Variants in POLR2B observed in about 807,000 individuals in gnomAD.
The protein encoded by POLR2B is DNA-directed RNA polymerase II subunit RPB2.
Under a neutral mutation model 144.6 loss-of-function variants are expected in POLR2B, and 57 were observed. The observed-to-expected ratio is 0.39, with a 90% CI of 0.32 to 0.49. The LOEUF (loss-of-function observed/expected upper bound fraction) is 0.49, where lower values mean the gene tolerates loss of function less well. Ranked by LOEUF, POLR2B falls within the 20% of genes least tolerant of loss-of-function variation. POLR2B has a pLI of 0.83. For synonymous variants in POLR2B, 442 were observed against 469.8 expected, an observed-to-expected ratio of 0.94 and a Z score of 0.77; for missense variants, 595 against 1,467.4, an observed-to-expected ratio of 0.41 and a Z score of 9.71.
chr4:57,020,824 A>G, intron 16 of POLR2B, 75 bp from the exon 17 acceptor site: 1 of 825,256 alleles, frequency 1.2e-6, no homozygotes, highest in Non-Finnish European at 2.2e-6. Flanking sequence ...GATGTAATTA[A>G]AGTTGATTTA....
chr4:57,027,689 C>T (rs972300591), intron 23 of POLR2B, among the ~76,000 whole-genome samples: 1 of 152,156 alleles, frequency 6.6e-6, no homozygotes, highest in African/African-American at 2.4e-5. Flanking sequence ...GAAACTGAAA[C>T]CATATGAATG....
chr4:57,003,494 G>A (rs1358570316), intron 7 of POLR2B, among the ~76,000 whole-genome samples: 1 of 152,150 alleles, frequency 6.6e-6, no homozygotes, highest in Non-Finnish European at 1.5e-5. Flanking sequence ...ACTTTGGGAG[G>A]AGGATTGCTT....
At position 57,017,067 on chromosome 4, in the gene POLR2B, G is replaced by T. The variant is rs776629596; in HGVS notation, c.1980G>T (p.Gly660=). The change falls in exon 15 of 25, where the codon GGG becomes GGT. Residue 660 remains glycine (G), a synonymous_variant. Coordinates refer to ENST00000314595, the MANE Select transcript of POLR2B (RefSeq NM_000938.3). This position sits in a 1 kb window ranked among gnomAD's most constrained non-coding sequence, Gnocchi z 4.8. ...NYSWQDLVAS[G]VVEYIDTLEE... The stretch of plus-strand genomic sequence containing the variant: ...GTTGGCAGGATCTTGTGGCCAGTGG[G>T]GTAGTGGAGTATATTGATACCCTGG... 2 of 1,607,172 alleles carry T rather than the reference G, an allele frequency of 1.2e-6. No homozygotes were observed. Among genetic ancestry groups the T allele is most frequent in the Non-Finnish European group, 1.7e-6 (2 of 1,176,928 alleles).
intron 7 of POLR2B, among the ~76,000 whole-genome samples, chr4:57,003,323 A>C (rs760260510): frequency 6.6e-6 from 1 of 152,066 alleles, no homozygotes; most frequent in Non-Finnish European, 1.5e-5. Flanking sequence ...CCAGCTACTC[A>C]GGAGGCTGAG....
In POLR2B at chr4:57,017,745, T is replaced by C; in HGVS notation, c.2323+17T>C. On this transcript the variant is annotated intron_variant, in intron 16 of 24. Transcript: ENST00000314595. This position sits in a 1 kb window ranked among gnomAD's most constrained non-coding sequence, Gnocchi z 4.8. ...TGCCAGCAGGTATGGTCAGTTTTGC[T>C]CTACGTTATTTAAGATCCTTCTGTG... is the stretch of plus-strand genomic sequence containing the variant. 6.2e-7 allele frequency: 1 copy of C among 1,601,650 alleles called. No individual in the cohort carries two copies. The highest frequency in any genetic ancestry group is 8.5e-7 in the Non-Finnish European group (1 of 1,173,050).
In POLR2B at chr4:57,023,428, A is replaced by C. The variant is rs1205631313; in HGVS notation, c.2614A>C (p.Thr872Pro). 7.4e-6 allele frequency: 12 copies of C among 1,613,990 alleles called. No individual in the cohort carries two copies. The highest frequency in any genetic ancestry group is 8.5e-6 in the Non-Finnish European group (10 of 1,179,890). ...TGATGTTATTATAGGCAAAACAGTC[A>C]CCTTGCCTGAAAATGAAGATGAATT... The part of the protein sequence containing the change: ...GDDVIIGKTV[T>P]LPENEDELES... The change falls in exon 19 of 25, where the codon ACC (threonine) becomes CCC (proline). Residue 872 changes from threonine to proline, a missense_variant. By Grantham distance (38) the Thr-to-Pro change is conservative. Around this residue, in one of 9 missense-constraint regions of POLR2B, gnomAD observed 75 missense variants for 100.0 expected, o/e 0.75. Transcript: ENST00000314595. This position sits in a 1 kb window ranked among gnomAD's most constrained non-coding sequence, Gnocchi z 4.3.
At chr4:56,996,262 G>GTGTGTGTGTGTGTATATA (rs1553910008) in intron 6 of POLR2B, among the ~76,000 whole-genome samples, 1 of 88,890 alleles carries the variant, frequency 1.1e-5, no homozygotes, top group African/African-American at 4.8e-5. Flanking sequence ...GTGTGTGTGT[G>GTGTGTGTGTGTGTATATA]TATATATATA....
intron 3 of POLR2B, among the ~76,000 whole-genome samples, chr4:56,994,181 T>C (rs534037434): frequency 6.6e-6 from 1 of 152,076 alleles, no homozygotes; most frequent in African/African-American, 2.4e-5. Flanking sequence ...TGAAAAAAAA[T>C]TTTTAAGAAA....
At chr4:57,030,499 T>C in intron 24 of POLR2B, 100 bp downstream of exon 24, 1 of 797,856 alleles carries the variant, frequency 1.3e-6, no homozygotes, top group Non-Finnish European at 1.9e-6. Context: ...ATTGGCATTT[T>C]CACAATTTTG....
At chr4:57,029,552 C>T (rs1226869811) in intron 23 of POLR2B, among the ~76,000 whole-genome samples, 1 of 152,080 alleles carries the variant, frequency 6.6e-6, no homozygotes, top group Non-Finnish European at 1.5e-5. Flanking sequence ...AAGCCATCAC[C>T]ATCTATTTGC....
Position 56,994,772 on chromosome 4 carries a change from G to T in POLR2B, c.482G>T (p.Cys161Phe). 6.2e-7 allele frequency: 1 copy of T among 1,613,736 alleles called. No homozygotes were observed. The highest frequency in any genetic ancestry group is 8.5e-7 in the Non-Finnish European group (1 of 1,179,726). The change falls in exon 5 of 25, where the codon TGC (cysteine) becomes TTC (phenylalanine). Residue 161 changes from cysteine to phenylalanine, a missense_variant. By Grantham distance (205) the Cys-to-Phe change is radical. Coordinates refer to ENST00000314595, the MANE Select transcript of POLR2B (RefSeq NM_000938.3). ...CCAATTATGTTGCGGTCAACTTACT[G>T]CCTTTTGAATGGCTTGACAGATCGT... The part of the protein sequence containing the change: ...KIPIMLRSTY[C>F]LLNGLTDRDL...
chr4:56,989,919 G>C (rs1233821249), intron 2 of POLR2B, among the ~76,000 whole-genome samples: 1 of 151,926 alleles, frequency 6.6e-6, no homozygotes, highest in Non-Finnish European at 1.5e-5. Context: ...TTATAAATAT[G>C]ATGTCTGCTT....
intron 1 of POLR2B, chr4:56,985,475 C>T (rs1004436003): frequency 2.0e-6 from 2 of 984,926 alleles, no homozygotes; most frequent in African/African-American, 3.5e-5. Flanking sequence ...AGAGGCGGGC[C>T]CTGCAACCTC....
At chr4:57,024,263 AT>A (rs932742658) in intron 21 of POLR2B, 151 bp downstream of exon 21, 143 of 509,156 alleles carry the variant, frequency 2.8e-4, no homozygotes, top group South Asian at 6.4e-4. Flanking sequence ...TGATTCTGCC[AT>A]TTTTTTTGGC....
At chr4:57,010,707 C>T (rs1723165341) in intron 11 of POLR2B, 41 bp from the exon 12 acceptor site, 1 of 1,518,656 alleles carries the variant, frequency 6.6e-7, no homozygotes, top group South Asian at 1.3e-5. Context: ...GTTTGATAGG[C>T]ATGTAAAATC....
intron 23 of POLR2B, among the ~76,000 whole-genome samples, chr4:57,027,427 C>T (rs1723758715): frequency 6.6e-6 from 1 of 151,554 alleles, no homozygotes; most frequent in Admixed American, 6.6e-5. Context: ...CCCATCTCAG[C>T]CTCAAGTAGC....
intron 5 of POLR2B, 63 bp downstream of exon 5, chr4:56,994,929 T>TA (rs1722631257): frequency 7.2e-5 from 52 of 725,534 alleles, no homozygotes; most frequent in East Asian, 1.3e-4. Flanking sequence ...AAAGTTGAAA[T>TA]GAAAAAAAAA....
intron 23 of POLR2B, among the ~76,000 whole-genome samples, chr4:57,027,879 T>C (rs886685262): frequency 1.3e-5 from 2 of 152,246 alleles, no homozygotes; most frequent in African/African-American, 2.4e-5. Context: ...TTTGTTAATA[T>C]GACTACTGAT....
intron 18 of POLR2B, among the ~76,000 whole-genome samples, chr4:57,022,718 AC>A (rs977519358): frequency 3.3e-5 from 5 of 152,196 alleles, no homozygotes; most frequent in Non-Finnish European, 5.9e-5. Context: ...GACACTTAAA[AC>A]CTGCTTATGC....
Sources: gnomAD v4.1 joint callset for allele counts (sites outside exome capture counted in the v4.1 genomes callset) on GRCh38, gnomAD v4.1.1 for gene constraint, gnomAD v4.1.1 regional missense constraint, Gnocchi (gnomAD v3.1) non-coding constraint, MANE v1.5 for transcripts, NCBI Gene and HGNC (gene_info 2026-07-23, HGNC 2026-07-21) for gene names.